SIGLEC1: variants seen among roughly 807,000 people sequenced by gnomAD.
The protein encoded by SIGLEC1 is sialic acid binding Ig like lectin 1.
SIGLEC1 carries 132 observed loss-of-function variants against 148.0 expected under a neutral mutation model. That is an observed-to-expected ratio of 0.89 (90% CI 0.77 to 1.03). The LOEUF (loss-of-function observed/expected upper bound fraction) is 1.03. SIGLEC1 is among the 50% of genes least tolerant of loss of function. The pLI, the probability that SIGLEC1 is intolerant of heterozygous loss-of-function variation, is 0.00. For synonymous variants in SIGLEC1, 945 were observed against 969.0 expected (o/e 0.98, Z 0.46); for missense variants, 2,253 against 2,271.4 (o/e 0.99, Z 0.16).
chr20:3,696,367 C>T (rs525339), intron 11 of SIGLEC1, among the ~76,000 whole-genome samples: 104,078 of 152,034 alleles, frequency 0.68, 36,151 homozygotes, highest in East Asian at 0.86. Flanking sequence ...GCAAGCCACT[C>T]TGTGAATTGC....
chr20:3,697,843 T>G lies in SIGLEC1; in HGVS notation c.2077A>C (p.Asn693His). Residue 693 changes from asparagine to histidine, a missense_variant, in exon 9 of 22, where the codon AAT (asparagine) becomes CAT (histidine). By Grantham distance (68) the Asn-to-His change is moderately conservative (BLOSUM62 1). Transcript: ENST00000344754. ...EEGLYLCEAS[N>H]ALGNASTSAT... ...GAGGTGGAGGCGTTGCCCAGGGCAT[T>G]GCTGGCCTCACAGAGGTACAAGCCC... is the stretch of plus-strand genomic sequence containing the variant. 6.2e-7 allele frequency: 1 copy of G among 1,613,048 alleles called. No individual in the cohort carries two copies. The highest frequency in any genetic ancestry group is 8.5e-7 in the Non-Finnish European group (1 of 1,180,004).
chr20:3,705,246 C>T (rs560356216), intron 4 of SIGLEC1, among the ~76,000 whole-genome samples: 33 of 152,366 alleles, frequency 2.2e-4, no homozygotes, highest in Non-Finnish European at 3.8e-4. Context: ...ATCCACCCGC[C>T]TCAGCCTCCC....
Position 3,687,284 on chromosome 20 carries a change from GTCATTCCT to G in SIGLEC1, c.*1268_*1275del, listed in dbSNP as rs2088708991. ...GTTGGTCCCTGATTCGCAGGGGCACGTCATTCCTTCTTGGTAACTCATTCTCTTTAACA... is the reference window on the plus strand; with the variant it reads ...GTTGGTCCCTGATTCGCAGGGGCACGTCTTGGTAACTCATTCTCTTTAACA... On this transcript the variant is annotated 3_prime_UTR_variant, in exon 22 of 22. Coordinates refer to ENST00000344754, the MANE Select transcript of SIGLEC1 (RefSeq NM_023068.4). 1 of 152,272 alleles carries G rather than the reference GTCATTCCT, an allele frequency of 6.6e-6. No individual in the cohort carries two copies. Among genetic ancestry groups the G allele is most frequent in the African/African-American group, 2.4e-5 (1 of 41,452 alleles). 9.4% of individuals were successfully genotyped at this position (152,272 alleles called of 1,614,324 possible).
At chr20:3,704,416 G>A (rs944225175) in intron 4 of SIGLEC1, among the ~76,000 whole-genome samples, 5 of 152,142 alleles carry the variant, frequency 3.3e-5, no homozygotes, top group African/African-American at 1.2e-4. Context: ...CCACACACAG[G>A]GTCATGGGTA....
chr20:3,691,959 C>T lies in SIGLEC1; in HGVS notation c.4274G>A (p.Cys1425Tyr). Reference protein sequence around the residue: ...DVPAGDDTYVCTAQNLLGSIS... With the variant: ...DVPAGDDTYVYTAQNLLGSIS... ...TGAGCCCAGCAAGTTTTGGGCTGTG[C>T]AAACATAGGTGTCATCACCTGCAGG... is the stretch of plus-strand genomic sequence containing the variant. Residue 1425 changes from cysteine to tyrosine, a missense_variant, in exon 17 of 22, where the codon TGC becomes TAC. Cys to Tyr is a radical substitution (Grantham distance 194, BLOSUM62 -2). Coordinates refer to ENST00000344754, the MANE Select transcript of SIGLEC1 (RefSeq NM_023068.4). 1 of 1,607,986 alleles carries T rather than the reference C, an allele frequency of 6.2e-7. No individual in the cohort carries two copies. Among genetic ancestry groups the T allele is most frequent in the South Asian group, 1.1e-5 (1 of 90,730 alleles).
At position 3,692,100 on chromosome 20, in the gene SIGLEC1, G is replaced by C; in HGVS notation, c.4133C>G (p.Ala1378Gly). Residue 1378 changes from alanine (A) to glycine (G), a missense_variant, in exon 17 of 22, where the codon GCC becomes GGC. Physicochemically the swap from Ala to Gly is moderately conservative, Grantham distance 60 (BLOSUM62 0). Coordinates refer to ENST00000344754, the MANE Select transcript of SIGLEC1 (RefSeq NM_023068.4). ...CAGCACCTTGCCATCATGAGATAGG[G>C]CCAGCTCAGCAGGTGGCTCACTGTC... ...TVDSEPPAEL[A>G]LSHDGKVLAT... 2 of 1,608,280 alleles carry C rather than the reference G, an allele frequency of 1.2e-6. No individual in the cohort carries two copies. Among genetic ancestry groups the C allele is most frequent in the Non-Finnish European group, 1.7e-6 (2 of 1,178,496 alleles).
chr20:3,697,341 G>C lies in SIGLEC1; in HGVS notation c.2124C>G (p.Ala708=), dbSNP rs775323688. 1 of 1,613,258 alleles carries C rather than the reference G, an allele frequency of 6.2e-7. No individual in the cohort carries two copies. The highest frequency in any genetic ancestry group is 1.1e-5 in the South Asian group (1 of 91,084). ...GTGATGGTGCAATGGCCAGGACAGT[G>C]GCTGGAGAGCAGGCGGCACAGCTTA... ...ASTSATFNGQ[A]TVLAIAPSHT... The change falls in exon 10 of 22, where the codon GCC becomes GCG. Residue 708 remains alanine (A), a splice_region_variant and synonymous_variant. Coordinates refer to ENST00000344754, the MANE Select transcript of SIGLEC1 (RefSeq NM_023068.4).
chr20:3,703,629 C>T (rs1047482295), intron 5 of SIGLEC1, among the ~76,000 whole-genome samples, 178 bp from the exon 6 acceptor site: 2 of 152,142 alleles, frequency 1.3e-5, no homozygotes, highest in African/African-American at 4.8e-5. Flanking sequence ...TCACCAGGAT[C>T]CCCCTGACAC....
At chr20:3,712,318 T>C (rs1426177126) in intron 1 of SIGLEC1, among the ~76,000 whole-genome samples, 152 bp downstream of exon 1, 2 of 151,604 alleles carry the variant, frequency 1.3e-5, no homozygotes, top group Non-Finnish European at 2.9e-5. Flanking sequence ...TTGATTAGTG[T>C]CTTGGACTTG....
chr20:3,693,230 C>T, intron 14 of SIGLEC1, 99 bp from the exon 15 acceptor site: 2 of 1,367,634 alleles, frequency 1.5e-6, no homozygotes, highest in Non-Finnish European at 1.9e-6. Context: ...TGGCTCCCCA[C>T]CCCTATGGCT....
chr20:3,701,257 C>T, intron 7 of SIGLEC1, 85 bp downstream of exon 7: 1 of 1,288,834 alleles, frequency 7.8e-7, no homozygotes, highest in Non-Finnish European at 1.1e-6. Flanking sequence ...GCGGTTGAGT[C>T]CACTAGACTT....
At chr20:3,711,006 C>T (rs1030875169) in intron 1 of SIGLEC1, among the ~76,000 whole-genome samples, 1 of 152,194 alleles carries the variant, frequency 6.6e-6, no homozygotes, top group African/African-American at 2.4e-5. Flanking sequence ...GTTGAGGGGA[C>T]AGTGCCCCGC....
rs1726069510 is a variant in SIGLEC1 at position 3,688,190 on chromosome 20, T to C, written c.*370A>G. 2 of 329,630 alleles carry C rather than the reference T, an allele frequency of 6.1e-6. No homozygotes were observed. Among genetic ancestry groups the C allele is most frequent in the Non-Finnish European group, 1.2e-5 (2 of 171,312 alleles). The allele number at this position is 329,630 out of a possible 1,614,324, so 20.4% of individuals were successfully genotyped here. A position where few individuals can be genotyped will look rare whatever the true frequency, so the allele number is the denominator to read the frequency against. ...CTCTGTTGAATACAGAATGCCTTGG[T>C]GAGCCTCTGAGGATGCAGGATGCTG... On this transcript the variant is annotated 3_prime_UTR_variant, in exon 22 of 22. Transcript: ENST00000344754.
chr20:3,689,815 C>A, intron 19 of SIGLEC1, 113 bp from the exon 20 acceptor site: 1 of 1,200,130 alleles, frequency 8.3e-7, no homozygotes, highest in East Asian at 2.6e-5. Context: ...CGCTGAAGCT[C>A]TCCACACAAG....
In SIGLEC1 at chr20:3,692,232, C is replaced by T. The variant is rs780007751; in HGVS notation, c.4031-30G>A. On this transcript the variant is annotated intron_variant, in intron 16 of 21. Transcript: ENST00000344754. ...GGGCAGGCAGGGCACAGATGGGGAC[C>T]TTGCTTAGGCACCCTGTACTGCTCA... 14 of 1,516,428 alleles carry T rather than the reference C, an allele frequency of 9.2e-6. No homozygotes were observed. In the South Asian group the frequency reaches 1.7e-4, roughly 18 times the overall value. 93.9% of individuals were successfully genotyped at this position (1,516,428 alleles called of 1,614,324 possible).
intron 7 of SIGLEC1, 121 bp downstream of exon 7, chr20:3,701,221 G>T: frequency 1.1e-6 from 1 of 920,398 alleles, no homozygotes; most frequent in Non-Finnish European, 1.6e-6. Context: ...TGTCTTTTAT[G>T]TGGCGTAGCC....
chr20:3,693,851 G>A (rs610704), intron 13 of SIGLEC1, among the ~76,000 whole-genome samples, 153 bp from the exon 14 acceptor site: 2 of 152,200 alleles, frequency 1.3e-5, no homozygotes, highest in African/African-American at 4.8e-5. Context: ...TGGCTTAGAA[G>A]TCAAGCTTGG....
chr20:3,697,267 C>T lies in SIGLEC1; in HGVS notation c.2198G>A (p.Arg733Gln), dbSNP rs148161998. Reference protein sequence around the residue: ...TEANLTCNVSREAAGSPANFS... With the variant: ...TEANLTCNVSQEAAGSPANFS... ...GTTAGCAGGGCTGCCAGCAGCTTCC[C>T]GGCTCACGTTGCAAGTCAAGTTGGC... Residue 733 changes from arginine to glutamine, a missense_variant, in exon 10 of 22, where the codon CGG becomes CAG. Physicochemically the swap from Arg to Gln is conservative, Grantham distance 43. Coordinates refer to ENST00000344754, the MANE Select transcript of SIGLEC1 (RefSeq NM_023068.4). 1.8e-5 allele frequency: 29 copies of T among 1,613,996 alleles called. No individual in the cohort carries two copies. The highest frequency in any genetic ancestry group is 1.5e-4 in the Admixed American group (9 of 60,018).
Position 3,698,000 on chromosome 20 carries a change from G to C in SIGLEC1, c.1920C>G (p.Asp640Glu), listed in dbSNP as rs2087818877. The C allele has an allele frequency of 6.2e-7, 1 of 1,610,880 alleles. No individual in the cohort carries two copies. Among genetic ancestry groups the C allele is most frequent in the Non-Finnish European group, 8.5e-7 (1 of 1,178,938 alleles). The change falls in exon 9 of 22, where the codon GAC (aspartate) becomes GAG (glutamate). Residue 640 changes from aspartate (D) to glutamate (E), a missense_variant. Coordinates refer to ENST00000344754, the MANE Select transcript of SIGLEC1 (RefSeq NM_023068.4). The stretch of plus-strand genomic sequence containing the variant: ...ATGGCAGGGAAGTGGCCACAACACG[G>C]TCCTTGTGGAGCAGCTGCAGCCTGG... ...PPARLQLLHKDRVVATSLPSG... is the reference protein window; with the variant it reads ...PPARLQLLHKERVVATSLPSG...
Sources: allele counts gnomAD v4.1 joint callset (sites outside exome capture counted in the v4.1 genomes callset), GRCh38; gene constraint gnomAD v4.1.1; transcripts MANE v1.5; gene names NCBI Gene and HGNC (gene_info 2026-07-23, HGNC 2026-07-21).